The following ANXA4 variants were observed in gnomAD, a reference collection of about 807,000 sequenced individuals.
The protein encoded by ANXA4 is annexin A4, also known as 35-beta calcimedin.
Under a neutral mutation model 49.8 loss-of-function variants are expected in ANXA4, and 39 were observed. The ratio of observed to expected loss-of-function variants is 0.78; its 90% CI spans 0.61 to 1.02. The LOEUF is 1.02. ANXA4 is among the 50% of genes least tolerant of loss of function. ANXA4 has a pLI of 0.00. For missense variants in ANXA4, 360 were observed against 410.1 expected, an observed-to-expected ratio of 0.88 and a Z score of 1.05; for synonymous variants, 134 against 152.5, an observed-to-expected ratio of 0.88 and a Z score of 0.89.
chr2:69,713,392 A>G (rs1277933975), intron 2 of ANXA4, among the ~76,000 whole-genome samples: 1 of 152,106 alleles, frequency 6.6e-6, no homozygotes. Flanking sequence ...AGCCACTCTT[A>G]TGTTCGGTGG....
chr2:69,783,185 T>G (rs548743701), intron 2 of ANXA4, among the ~76,000 whole-genome samples: 24 of 152,134 alleles, frequency 1.6e-4, no homozygotes, highest in Admixed American at 3.9e-4. Flanking sequence ...ACTCTAGTGG[T>G]TATGAGTGTT....
intron 2 of ANXA4, among the ~76,000 whole-genome samples, chr2:69,666,844 G>C (rs1477635907): frequency 6.6e-6 from 1 of 152,088 alleles, no homozygotes; most frequent in Non-Finnish European, 1.5e-5. Flanking sequence ...CCAGGAGTTT[G>C]AGACCAGCCT....
intron 3 of ANXA4, among the ~76,000 whole-genome samples, chr2:69,799,642 G>A (rs1673102072): frequency 6.6e-6 from 1 of 152,128 alleles, no homozygotes; most frequent in South Asian, 2.1e-4. Context: ...CTACCCTCCA[G>A]TTAGCTCCTT....
intron 2 of ANXA4, among the ~76,000 whole-genome samples, chr2:69,656,259 G>GTA (rs1224011201): frequency 4.2e-5 from 5 of 119,870 alleles, no homozygotes; most frequent in Admixed American, 2.1e-4. Flanking sequence ...ATGTATATAC[G>GTA]TATATATATG....
At chr2:69,784,744 G>T (rs72905097) in intron 2 of ANXA4, among the ~76,000 whole-genome samples, 14,461 of 152,252 alleles carry the variant, frequency 0.095, 1,322 homozygotes, top group Admixed American at 0.23. Context: ...TTTGACACCT[G>T]TGCAGAAGCC....
At chr2:69,727,431 AT>A (rs1669990744) in intron 3 of ANXA4, among the ~76,000 whole-genome samples, 1 of 152,006 alleles carries the variant, frequency 6.6e-6, no homozygotes, top group South Asian at 2.1e-4. Context: ...AGTCTTTTTC[AT>A]TTTGGACATT....
chr2:69,683,346 G>A (rs1403304161), intron 2 of ANXA4, among the ~76,000 whole-genome samples: 2 of 152,124 alleles, frequency 1.3e-5, no homozygotes, highest in Admixed American at 6.6e-5. Context: ...GCTGCTACAT[G>A]TGGGAGCTTC....
At chr2:69,752,158 C>A (rs10177224) in intron 1 of ANXA4, among the ~76,000 whole-genome samples, 34,055 of 151,896 alleles carry the variant, frequency 0.22, 4,344 homozygotes, top group East Asian at 0.35. Context: ...AGCCAAAGCA[C>A]ACTGAAGGAA....
rs112801320 is a variant in ANXA4 at position 69,796,770 on chromosome 2, T to C, written c.98-7763T>C. On this transcript the variant is annotated intron_variant, in intron 3 of 12. Transcript: ENST00000394295. ...GGAGGGGGCCCCAGATTAGGAAAAC[T>C]AGAAGGACTGGGGCACTTAGAAGCT... is the stretch of plus-strand genomic sequence containing the variant. 4.5e-3 allele frequency among the ~76,000 whole-genome samples: 678 copies of C among 152,204 alleles called. 9 individuals are homozygous for C. The highest frequency in any genetic ancestry group is 0.024 in the Middle Eastern group (7 of 294).
At chr2:69,700,977 A>G (rs1678312480) in intron 2 of ANXA4, among the ~76,000 whole-genome samples, 2 of 152,042 alleles carry the variant, frequency 1.3e-5, no homozygotes, top group Non-Finnish European at 2.9e-5. Context: ...GGTTCAAGAA[A>G]TTCTCCTGCC....
chr2:69,660,519 A>C (rs183894921), intron 2 of ANXA4, among the ~76,000 whole-genome samples: 2 of 152,338 alleles, frequency 1.3e-5, no homozygotes, highest in Non-Finnish European at 2.9e-5. Context: ...CTAACATTCT[A>C]AAAGGTGATG....
chr2:69,729,734 G>C (rs960685838), intron 3 of ANXA4, among the ~76,000 whole-genome samples: 1 of 151,932 alleles, frequency 6.6e-6, no homozygotes, highest in East Asian at 1.9e-4. Flanking sequence ...TATTTCACAC[G>C]AAGTGATTTA....
intron 12 of ANXA4, among the ~76,000 whole-genome samples, chr2:69,822,397 T>G (rs374477933): frequency 1.3e-5 from 2 of 152,170 alleles, no homozygotes; most frequent in African/African-American, 2.4e-5. Flanking sequence ...AATGACCATA[T>G]GAGCCAGCAA....
chr2:69,669,000 G>T (rs1420425650), intron 2 of ANXA4, among the ~76,000 whole-genome samples: 4 of 150,630 alleles, frequency 2.7e-5, no homozygotes, highest in African/African-American at 7.3e-5. Flanking sequence ...GCAGTGGTGC[G>T]ATCTCGCCTC....
chr2:69,675,900 G>A (rs1029525428), intron 2 of ANXA4, among the ~76,000 whole-genome samples: 11 of 151,704 alleles, frequency 7.3e-5, no homozygotes, highest in Non-Finnish European at 1.2e-4. Context: ...TCAGATTCTC[G>A]GGAGGTTGAG....
intron 10 of ANXA4, 95 bp downstream of exon 10, chr2:69,818,789 T>C: frequency 1.3e-6 from 1 of 776,484 alleles, no homozygotes; most frequent in Non-Finnish European, 2.1e-6. Flanking sequence ...TTTTTAGAGA[T>C]AAAAGTTGTT....
intron 2 of ANXA4, among the ~76,000 whole-genome samples, chr2:69,664,362 T>G (rs1676857253): frequency 6.6e-6 from 1 of 152,148 alleles, no homozygotes; most frequent in Non-Finnish European, 1.5e-5. Context: ...TTTAAATGAA[T>G]AGCAAAATGA....
At chr2:69,809,001 T>C (rs1472552095) in intron 6 of ANXA4, 3 of 152,144 alleles carry the variant, frequency 2.0e-5, no homozygotes, top group African/African-American at 4.8e-5. Context: ...GTTTGGTATA[T>C]GTAAGTGAAA....
intron 1 of ANXA4, among the ~76,000 whole-genome samples, chr2:69,759,120 ACT>A (rs1671172566): frequency 7.9e-6 from 1 of 126,686 alleles, no homozygotes; most frequent in African/African-American, 3.2e-5. Context: ...ACAGAGAGAG[ACT>A]CTGTCTCAAA....
Sources: allele counts gnomAD v4.1 joint callset (sites outside exome capture counted in the v4.1 genomes callset), GRCh38; gene constraint gnomAD v4.1.1; transcripts MANE v1.5; gene names NCBI Gene and HGNC (gene_info 2026-07-23, HGNC 2026-07-21).